Variants in PLEKHG4B observed in about 807,000 individuals in gnomAD.
PLEKHG4B encodes pleckstrin homology domain-containing family G member 4B.
Under a neutral mutation model 121.3 loss-of-function variants are expected in PLEKHG4B, and 111 were observed. That is an observed-to-expected ratio of 0.92 (90% confidence interval 0.78 to 1.07). PLEKHG4B has a LOEUF of 1.07. Ranked by LOEUF, PLEKHG4B falls within the 50% of genes least tolerant of loss-of-function variation. The probability of loss-of-function intolerance (pLI) is 0.00; values close to 1 mark genes in which losing one functional copy is unlikely to be tolerated. For synonymous variants in PLEKHG4B, 738 were observed against 725.0 expected (o/e 1.02, Z -0.29); for missense variants, 1,831 against 1,757.8 (o/e 1.04, Z -0.74).
chr5:98,474 C>T (rs1168358310), intron 1 of PLEKHG4B, among the ~76,000 whole-genome samples: 3 of 109,734 alleles, frequency 2.7e-5, no homozygotes, highest in Admixed American at 1.4e-4. Context: ...CTCACTCTGT[C>T]GCCAGGCTGG....
At chr5:179,953 C>G (rs1736879393) in intron 18 of PLEKHG4B, among the ~76,000 whole-genome samples, 1 of 152,046 alleles carries the variant, frequency 6.6e-6, no homozygotes, top group Non-Finnish European at 1.5e-5. Flanking sequence ...TTTCGGTTTC[C>G]TTTTGAGACT....
Position 163,264 on chromosome 5 carries a change from C to T in PLEKHG4B, c.3192C>T (p.Thr1064=), listed in dbSNP as rs1172323230. 1 of 1,612,624 alleles carries T rather than the reference C, an allele frequency of 6.2e-7. No individual in the cohort carries two copies. The highest frequency in any genetic ancestry group is 1.7e-5 in the Admixed American group (1 of 59,990). Residue 1064 remains threonine, a synonymous_variant, in exon 13 of 20, where the codon ACC becomes ACT. Transcript: ENST00000637938. ...EDSSACSSEP[T]QTLASRPRKH... is the part of the protein sequence containing the mutation. ...GCTCTGCCTGTTCCTCTGAGCCCACCCAGACCCTGGCCAGCCGCCCCAGGA... is the reference window on the plus strand; with the variant it reads ...GCTCTGCCTGTTCCTCTGAGCCCACTCAGACCCTGGCCAGCCGCCCCAGGA...
At chr5:106,544 T>G (rs965603989) in intron 1 of PLEKHG4B, among the ~76,000 whole-genome samples, 6 of 152,338 alleles carry the variant, frequency 3.9e-5, no homozygotes, top group Admixed American at 3.3e-4. Flanking sequence ...TTAACGAACA[T>G]GTAGAACTGC....
At position 162,836 on chromosome 5, in the gene PLEKHG4B, G is replaced by A. The variant is rs138273161; in HGVS notation, c.2764G>A (p.Gly922Arg). ...CTCGGTGGCTGCAGAGGCCTTCCCC[G>A]GGGCAGGTGTGGCAGTGCTGAAGCC... ...ATSVAAEAFP[G>R]AGVAVLKPHA... Residue 922 changes from glycine to arginine, a missense_variant, in exon 13 of 20, where the codon GGG becomes AGG. Coordinates refer to ENST00000637938, the MANE Select transcript of PLEKHG4B (RefSeq NM_052909.5). 7.9e-4 allele frequency: 1,191 copies of A among 1,511,684 alleles called. No homozygotes were observed. The highest frequency in any genetic ancestry group is 9.8e-4 in the Non-Finnish European group (1,103 of 1,129,914). 93.6% of individuals were successfully genotyped at this position (1,511,684 alleles called of 1,614,324 possible).
Position 113,208 on chromosome 5 carries a change from G to T in PLEKHG4B, c.46-43G>T. Reference sequence around the variant, plus strand: ...TTGGACTGTGGTGTGCACCTGTCTTGAGTTATGTCCCTAAAGTTTCTGAAT... The same window carrying T: ...TTGGACTGTGGTGTGCACCTGTCTTTAGTTATGTCCCTAAAGTTTCTGAAT... On this transcript the variant is annotated intron_variant, in intron 1 of 19. Transcript: ENST00000637938. The surrounding 1 kb of genome is among the most constrained non-coding windows in gnomAD (Gnocchi z 5.2). 2.5e-6 allele frequency: 1 copy of T among 399,036 alleles called. No individual in the cohort carries two copies. Among genetic ancestry groups the T allele is most frequent in the South Asian group, 1.3e-4 (1 of 7,718 alleles). The allele number at this position is 399,036 out of a possible 1,614,324, so 24.7% of individuals were successfully genotyped here. A position where few individuals can be genotyped will look rare whatever the true frequency, so the allele number is the denominator to read the frequency against.
intron 13 of PLEKHG4B, among the ~76,000 whole-genome samples, chr5:167,779 G>C (rs1375133950): frequency 6.6e-6 from 1 of 152,260 alleles, no homozygotes; most frequent in Non-Finnish European, 1.5e-5. Flanking sequence ...CTGCTCAGTT[G>C]CTGAGAGTGA....
rs148274826 is a variant in PLEKHG4B at position 183,873 on chromosome 5, A to C, written c.*1550A>C. On this transcript the variant is annotated 3_prime_UTR_variant, in exon 20 of 20. Coordinates refer to ENST00000637938, the MANE Select transcript of PLEKHG4B (RefSeq NM_052909.5). ...CAGATTGGATTTCACAGAAGAGACC[A>C]TGAGGCACCTTGAAGACACATCAGT... 2 of 152,374 alleles carry C rather than the reference A, an allele frequency of 1.3e-5. No homozygotes were observed. Among genetic ancestry groups the C allele is most frequent in the African/African-American group, 4.8e-5 (2 of 41,564 alleles). The allele number at this position is 152,374 out of a possible 1,614,324, so 9.4% of individuals were successfully genotyped here.
chr5:163,235 G>C lies in PLEKHG4B; in HGVS notation c.3163G>C (p.Asp1055His). 4 of 1,607,816 alleles carry C rather than the reference G, an allele frequency of 2.5e-6. No homozygotes were observed. Among genetic ancestry groups the C allele is most frequent in the Non-Finnish European group, 3.4e-6 (4 of 1,177,442 alleles). The change falls in exon 13 of 20, where the codon GAC becomes CAC. Residue 1055 changes from aspartate to histidine, a missense_variant. Coordinates refer to ENST00000637938, the MANE Select transcript of PLEKHG4B (RefSeq NM_052909.5). ...AGGGGCCACCACGGCCCACCTGGAG[G>C]ACAGCTCTGCCTGTTCCTCTGAGCC... Reference protein sequence around the residue: ...GAGATTAHLEDSSACSSEPTQ... With the variant: ...GAGATTAHLEHSSACSSEPTQ...
chr5:162,371 A>C (rs1300355994), intron 12 of PLEKHG4B, among the ~76,000 whole-genome samples: 1 of 152,178 alleles, frequency 6.6e-6, no homozygotes, highest in Non-Finnish European at 1.5e-5. Context: ...TCAGGACAGC[A>C]TTTGAGGGGT....
rs1353048810 is a variant in PLEKHG4B, at chr5:137,939, A to G, written c.244-1544A>G. Among the ~76,000 whole-genome samples the G allele has an allele frequency of 1.3e-5, 2 of 152,220 alleles. No individual in the cohort carries two copies. The highest frequency in any genetic ancestry group is 2.9e-5 in the Non-Finnish European group (2 of 68,038). On this transcript the variant is annotated intron_variant, in intron 2 of 19. Transcript: ENST00000637938. This position sits in a 1 kb window ranked among gnomAD's most constrained non-coding sequence, Gnocchi z 4.2. ...GACACAGCTCCTCAGGCCGCCTCGC[A>G]GCGTCTGGGGAGGGTGTCAAGGAGC...
rs1367856101 is a variant in PLEKHG4B, at chr5:163,159, G to T, written c.3087G>T (p.Gly1029=). The T allele has an allele frequency of 1.3e-6, 2 of 1,563,726 alleles. No individual in the cohort carries two copies. The highest frequency in any genetic ancestry group is 1.7e-6 in the Non-Finnish European group (2 of 1,155,754). ...CGQDGETLRP[G]LCALWDPLSL... ...AGGACGGGGAGACCCTGCGCCCAGG[G>T]CTGTGTGCTCTGTGGGACCCACTGT... The change falls in exon 13 of 20, where the codon GGG becomes GGT. Residue 1029 remains glycine (G), a synonymous_variant. Transcript: ENST00000637938.
chr5:138,724 A>G (rs960981879), intron 2 of PLEKHG4B, among the ~76,000 whole-genome samples: 8 of 152,216 alleles, frequency 5.3e-5, no homozygotes, highest in African/African-American at 1.7e-4. Context: ...ACTTGGTGTA[A>G]GATTCTGCAG....
intron 2 of PLEKHG4B, among the ~76,000 whole-genome samples, chr5:119,761 A>C (rs918487320): frequency 6.6e-6 from 1 of 152,208 alleles, no homozygotes; most frequent in African/African-American, 2.4e-5. Flanking sequence ...CCACTAGAGA[A>C]GGACCTTCTT....
rs1335077670 is a variant in PLEKHG4B at position 171,368 on chromosome 5, C to T, written c.3974C>T (p.Ala1325Val). 6.2e-7 allele frequency: 1 copy of T among 1,611,558 alleles called. No individual in the cohort carries two copies. Among genetic ancestry groups the T allele is most frequent in the African/African-American group, 1.3e-5 (1 of 75,066 alleles). ...AQGQELGELR[A>V]AEVVVCFQLR... ...GGGCAGGAGCTGGGCGAGCTCCGAG[C>T]CGCCGAGGTCGTGGTCTGCTTCCAG... The change falls in exon 16 of 20, where the codon GCC becomes GTC. Residue 1325 changes from alanine (A) to valine (V), a missense_variant. Physicochemically the swap from Ala to Val is moderately conservative, Grantham distance 64. Coordinates refer to ENST00000637938, the MANE Select transcript of PLEKHG4B (RefSeq NM_052909.5).
intron 1 of PLEKHG4B, among the ~76,000 whole-genome samples, chr5:92,924 C>T (rs1256362960): frequency 6.6e-6 from 1 of 152,098 alleles, no homozygotes; most frequent in African/African-American, 2.4e-5. Context: ...TAAAACAAGA[C>T]AGTTATTTCA....
At chr5:114,532 A>G (rs923802820) in intron 2 of PLEKHG4B, among the ~76,000 whole-genome samples, 1 of 152,074 alleles carries the variant, frequency 6.6e-6, no homozygotes, top group African/African-American at 2.4e-5. Context: ...ATCTCAGCTC[A>G]CTGCGACCTC....
At chr5:134,684 C>A (rs966382483) in intron 2 of PLEKHG4B, among the ~76,000 whole-genome samples, 1 of 150,966 alleles carries the variant, frequency 6.6e-6, no homozygotes, top group Non-Finnish European at 1.5e-5. Flanking sequence ...GAGAATCACT[C>A]GAACCTGGGA....
intron 1 of PLEKHG4B, among the ~76,000 whole-genome samples, chr5:101,358 GGA>G (rs1485405664): frequency 2.6e-4 from 32 of 124,322 alleles, no homozygotes; most frequent in African/African-American, 1.2e-3. Context: ...AGCCTGTAGG[GGA>G]GAGACTGTTG....
At chr5:131,583 T>C (rs1734780268) in intron 2 of PLEKHG4B, among the ~76,000 whole-genome samples, 1 of 152,220 alleles carries the variant, frequency 6.6e-6, no homozygotes, top group Admixed American at 6.5e-5. Context: ...TACGTGTGCA[T>C]GTGTCTTTAT....
Sources: allele counts gnomAD v4.1 joint callset (sites outside exome capture counted in the v4.1 genomes callset), GRCh38; gene constraint gnomAD v4.1.1; non-coding constraint Gnocchi (gnomAD v3.1); transcripts MANE v1.5; gene names NCBI Gene and HGNC (gene_info 2026-07-23, HGNC 2026-07-21).